The following MGAT4C variants were observed in gnomAD, a reference collection of about 807,000 sequenced individuals.
MGAT4C encodes the protein MGAT4 family member C.
In MGAT4C, 19 loss-of-function variants were observed where a neutral mutation model predicts 40.1. That is an observed-to-expected ratio of 0.47 (90% CI 0.33 to 0.70). The LOEUF (loss-of-function observed/expected upper bound fraction) is 0.70. Ranked by LOEUF, MGAT4C falls within the 30% of genes least tolerant of loss-of-function variation. MGAT4C has a pLI of 0.02. For missense variants in MGAT4C, 491 were observed against 563.2 expected (o/e 0.87, Z 1.30); for synonymous variants, 181 against 187.1 (o/e 0.97, Z 0.27).
chr12:86,318,440 G>C (rs1319157961), intron 4 of MGAT4C, among the ~76,000 whole-genome samples: 1 of 152,226 alleles, frequency 6.6e-6, no homozygotes, highest in Non-Finnish European at 1.5e-5. Context: ...TTCTCTGGAA[G>C]TGTTGGTGCT....
chr12:86,455,015 A>G (rs929868903), intron 2 of MGAT4C, among the ~76,000 whole-genome samples: 8 of 152,048 alleles, frequency 5.3e-5, no homozygotes, highest in African/African-American at 1.9e-4. Flanking sequence ...AAGTCATTTT[A>G]TTATCTTAAT....
intron 4 of MGAT4C, among the ~76,000 whole-genome samples, chr12:86,285,726 G>C (rs1455678226): frequency 6.6e-6 from 1 of 151,910 alleles, no homozygotes; most frequent in Admixed American, 6.6e-5. Context: ...GTAAAGATCT[G>C]TGTAAGATAC....
At chr12:86,068,646 T>G (rs1295420378) in intron 1 of MGAT4C, 2 of 151,494 alleles carry the variant, frequency 1.3e-5, no homozygotes, top group Non-Finnish European at 2.9e-5. Context: ...TTCCAGGAAA[T>G]GCCTATTCTT....
intron 1 of MGAT4C, among the ~76,000 whole-genome samples, chr12:86,078,059 A>G (rs1389986174): frequency 6.6e-6 from 1 of 152,082 alleles, no homozygotes; most frequent in East Asian, 1.9e-4. Flanking sequence ...GGAAGCAAAA[A>G]TTTTGCTGGT....
intron 2 of MGAT4C, among the ~76,000 whole-genome samples, chr12:86,518,231 T>C (rs1412526316): frequency 6.6e-6 from 1 of 152,174 alleles, no homozygotes; most frequent in Non-Finnish European, 1.5e-5. Flanking sequence ...GTTGACTTCA[T>C]AAAACTTAAC....
chr12:86,502,494 A>G (rs2136335305), intron 2 of MGAT4C, among the ~76,000 whole-genome samples: 1 of 152,034 alleles, frequency 6.6e-6, no homozygotes, highest in East Asian at 1.9e-4. Context: ...TGCAAAGTTA[A>G]CTGTGGACTT....
At chr12:86,236,943 A>G (rs1031461885) in intron 1 of MGAT4C, among the ~76,000 whole-genome samples, 3 of 151,700 alleles carry the variant, frequency 2.0e-5, no homozygotes, top group Admixed American at 1.3e-4. Flanking sequence ...ATCTTGAACA[A>G]GAAAAATGTA....
chr12:86,008,765 C>A (rs188167625), intron 2 of MGAT4C, among the ~76,000 whole-genome samples: 2 of 152,212 alleles, frequency 1.3e-5, no homozygotes, highest in Admixed American at 1.3e-4. Flanking sequence ...CCTTATCACA[C>A]TGAGGACATT....
chr12:86,624,524 G>T (rs909690557), intron 2 of MGAT4C, among the ~76,000 whole-genome samples: 3 of 152,172 alleles, frequency 2.0e-5, no homozygotes, highest in Non-Finnish European at 4.4e-5. Flanking sequence ...ACCTAATGAA[G>T]TGGAAACGTC....
chr12:86,337,234 G>T (rs1954808989), intron 3 of MGAT4C, among the ~76,000 whole-genome samples: 1 of 152,036 alleles, frequency 6.6e-6, no homozygotes, highest in Non-Finnish European at 1.5e-5. Context: ...AACAGAAATT[G>T]CTGGAGTGTT....
At chr12:86,700,178 C>CAGACAGACAGACAGAT (rs1386887962) in intron 2 of MGAT4C, among the ~76,000 whole-genome samples, 1 of 140,668 alleles carries the variant, frequency 7.1e-6, no homozygotes, top group East Asian at 2.1e-4. Flanking sequence ...GACAGACAGA[C>CAGACAGACAGACAGAT]AGATAGATAG....
At chr12:86,272,363 C>T (rs1489262876) in intron 4 of MGAT4C, among the ~76,000 whole-genome samples, 1 of 152,076 alleles carries the variant, frequency 6.6e-6, no homozygotes. Flanking sequence ...GGTACACAGA[C>T]ATGTATTTGA....
At chr12:86,712,910 C>T (rs944132004) in intron 2 of MGAT4C, among the ~76,000 whole-genome samples, 1 of 152,088 alleles carries the variant, frequency 6.6e-6, no homozygotes, top group Non-Finnish European at 1.5e-5. Flanking sequence ...CATCCTTCCC[C>T]TATAAGACGA....
At chr12:86,226,022 A>C (rs1357366723) in intron 1 of MGAT4C, among the ~76,000 whole-genome samples, 1 of 151,992 alleles carries the variant, frequency 6.6e-6, no homozygotes, top group Non-Finnish European at 1.5e-5. Flanking sequence ...ACTGGGAGGA[A>C]GCAAAAAACA....
intron 1 of MGAT4C, among the ~76,000 whole-genome samples, chr12:86,203,675 T>C (rs1047829352): frequency 2.0e-5 from 3 of 152,114 alleles, no homozygotes; most frequent in East Asian, 1.9e-4. Context: ...GAAATATACA[T>C]AGCCGGGCGT....
chr12:86,118,260 C>T (rs893229324), intron 1 of MGAT4C, among the ~76,000 whole-genome samples: 1 of 152,124 alleles, frequency 6.6e-6, no homozygotes, highest in Non-Finnish European at 1.5e-5. Flanking sequence ...CTCAAGACTT[C>T]CAGGAAGTTT....
chr12:86,509,009 T>C (rs567208245), intron 2 of MGAT4C, among the ~76,000 whole-genome samples: 3 of 152,178 alleles, frequency 2.0e-5, no homozygotes, highest in Admixed American at 6.5e-5. Flanking sequence ...ATTTTGTAGG[T>C]TGTCTGTTCA....
At chr12:86,282,072 T>A (rs990878422) in intron 4 of MGAT4C, among the ~76,000 whole-genome samples, 2 of 152,102 alleles carry the variant, frequency 1.3e-5, no homozygotes, top group African/African-American at 4.8e-5. Context: ...TTTTTAAATT[T>A]TACTTTGCTC....
At position 86,689,613 on chromosome 12, in the gene MGAT4C, A is replaced by G. The variant is rs534662794; in HGVS notation, c.-229+37596T>C. ...GGAGTTTGCTGGACATCCATTGCAG[A>G]CCCTTTTTGCCTGGGTATCACCAGC... On this transcript the variant is annotated intron_variant, in intron 2 of 7. Transcript: ENST00000548651. Among the ~76,000 whole-genome samples, 225 of 151,912 alleles carry G rather than the reference A, an allele frequency of 1.5e-3. 3 individuals carry two copies. The highest frequency in any genetic ancestry group is 2.3e-3 in the Non-Finnish European group (154 of 67,930).
Sources: gnomAD v4.1 joint callset for allele counts (sites outside exome capture counted in the v4.1 genomes callset) on GRCh38, gnomAD v4.1.1 for gene constraint, MANE v1.5 for transcripts, NCBI Gene and HGNC (gene_info 2026-07-23, HGNC 2026-07-21) for gene names.